TRPM3: variants seen among roughly 807,000 people sequenced by gnomAD.
The protein encoded by TRPM3 is long transient receptor potential channel 3.
TRPM3 carries 77 observed loss-of-function variants against 181.2 expected under a neutral mutation model. The ratio of observed to expected loss-of-function variants is 0.42; its 90% confidence interval spans 0.35 to 0.51. The LOEUF is 0.51. TRPM3 is among the 20% of genes least tolerant of loss of function. The probability of loss-of-function intolerance (pLI) is 0.01; values close to 1 mark genes in which losing one functional copy is unlikely to be tolerated. For synonymous variants in TRPM3, 745 were observed against 796.4 expected (o/e 0.94, Z 1.09); for missense variants, 1,759 against 2,196.7 (o/e 0.80, Z 3.98).
At chr9:70,679,837 G>A (rs1326179874) in intron 9 of TRPM3, among the ~76,000 whole-genome samples, 1 of 152,078 alleles carries the variant, frequency 6.6e-6, no homozygotes, top group African/African-American at 2.4e-5. Flanking sequence ...ATTTGAGAAT[G>A]GCAAATATAG....
chr9:70,814,143 A>T (rs2092444538), intron 6 of TRPM3, among the ~76,000 whole-genome samples: 1 of 152,218 alleles, frequency 6.6e-6, no homozygotes, highest in African/African-American at 2.4e-5. Flanking sequence ...CATCTTAAAA[A>T]GCTGAAGAAG....
chr9:71,219,059 T>C (rs2080076450), intron 1 of TRPM3, among the ~76,000 whole-genome samples: 1 of 152,178 alleles, frequency 6.6e-6, no homozygotes, highest in African/African-American at 2.4e-5. Flanking sequence ...ATGAGAAACA[T>C]ATCAACCGGT....
At chr9:70,932,671 C>A (rs890659171) in intron 1 of TRPM3, among the ~76,000 whole-genome samples, 2 of 152,142 alleles carry the variant, frequency 1.3e-5, no homozygotes, top group East Asian at 3.9e-4. Context: ...TGCACAGATA[C>A]TGTAGCAGGT....
chr9:70,680,013 C>T (rs11142547), intron 9 of TRPM3, among the ~76,000 whole-genome samples: 309 of 152,238 alleles, frequency 2.0e-3, no homozygotes, highest in Non-Finnish European at 3.5e-3. Context: ...CAGCGGTTCT[C>T]AAGCTGGACA....
intron 1 of TRPM3, among the ~76,000 whole-genome samples, chr9:71,051,607 G>T (rs938620699): frequency 1.3e-5 from 2 of 151,942 alleles, no homozygotes; most frequent in Non-Finnish European, 2.9e-5. Context: ...CGGGGTGGGG[G>T]GGTTATATAG....
chr9:71,344,452 A>G (rs1588591240), intron 1 of TRPM3, among the ~76,000 whole-genome samples: 1 of 150,414 alleles, frequency 6.6e-6, no homozygotes, highest in East Asian at 1.9e-4. Flanking sequence ...CTCCATCTCA[A>G]AAAAAAAAAA....
Position 70,752,060 on chromosome 9 carries a change from G to A in TRPM3, c.1272+9541C>T, listed in dbSNP as rs866859457. On this transcript the variant is annotated intron_variant, in intron 8 of 25. Transcript: ENST00000677713. ...TGTGTGTGTGTGTGTGCGCGCGCGCGCGCATACACATGTACATGCAACCTG... is the reference window on the plus strand; with the variant it reads ...TGTGTGTGTGTGTGTGCGCGCGCGCACGCATACACATGTACATGCAACCTG... Among the ~76,000 whole-genome samples the A allele has an allele frequency of 1.1e-3, 155 of 144,640 alleles. 4 individuals are homozygous for A. The highest frequency in any genetic ancestry group is 3.3e-3 in the African/African-American group (127 of 39,006). 94.9% of individuals were successfully genotyped at this position (144,640 alleles called of 152,430 possible). A position where few individuals can be genotyped will look rare whatever the true frequency, so the allele number is the denominator to read the frequency against.
At chr9:71,190,181 T>C (rs1587858383) in intron 1 of TRPM3, among the ~76,000 whole-genome samples, 1 of 151,846 alleles carries the variant, frequency 6.6e-6, no homozygotes, top group African/African-American at 2.4e-5. Flanking sequence ...TCCATGTCAC[T>C]TCACATAGCT....
At chr9:71,403,084 T>C (rs1298628177) in intron 1 of TRPM3, among the ~76,000 whole-genome samples, 1 of 152,184 alleles carries the variant, frequency 6.6e-6, no homozygotes, top group African/African-American at 2.4e-5. Flanking sequence ...TCACCTAGAA[T>C]GGCTCCCAAC....
intron 1 of TRPM3, among the ~76,000 whole-genome samples, chr9:71,141,723 A>C (rs1315125806): frequency 6.6e-6 from 1 of 152,152 alleles, no homozygotes; most frequent in Non-Finnish European, 1.5e-5. Context: ...ACTTAAAATA[A>C]ATTTTTATTA....
rs2040868211 is a variant in TRPM3 at position 70,531,505 on chromosome 9, A to G, written c.*4448T>C. The G allele has an allele frequency of 6.6e-6, 1 of 152,224 alleles. No individual in the cohort carries two copies. Among genetic ancestry groups the G allele is most frequent in the South Asian group, 2.1e-4 (1 of 4,832 alleles). 9.4% of individuals were successfully genotyped at this position (152,224 alleles called of 1,614,324 possible). A position where few individuals can be genotyped will look rare whatever the true frequency, so the allele number is the denominator to read the frequency against. ...ATTTTGTTGACACAAAATTAAGACCAGGTTTGGAGAGAGATTACTTCATTT... is the reference window on the plus strand; with the variant it reads ...ATTTTGTTGACACAAAATTAAGACCGGGTTTGGAGAGAGATTACTTCATTT... On this transcript the variant is annotated 3_prime_UTR_variant, in exon 26 of 26. Coordinates refer to ENST00000677713, the MANE Select transcript of TRPM3 (RefSeq NM_001366145.2).
chr9:70,684,221 G>C (rs558335657), intron 8 of TRPM3, among the ~76,000 whole-genome samples: 123 of 152,340 alleles, frequency 8.1e-4, no homozygotes, highest in Admixed American at 2.0e-3. Flanking sequence ...TTGAGGAAAG[G>C]AAGATGGGTA....
At chr9:71,370,488 T>C (rs1017154336) in intron 1 of TRPM3, among the ~76,000 whole-genome samples, 15 of 150,930 alleles carry the variant, frequency 9.9e-5, no homozygotes, top group Admixed American at 1.3e-4. Flanking sequence ...AAAAAAAAAA[T>C]CAAACCAGCC....
At chr9:70,761,494 G>C (rs140148752) in intron 8 of TRPM3, 107 bp downstream of exon 8, 3 of 1,528,632 alleles carry the variant, frequency 2.0e-6, no homozygotes, top group Non-Finnish European at 2.7e-6. Context: ...AGAGCTGTAA[G>C]CTCGGCCAGA....
chr9:71,021,476 T>C (rs1374620328), intron 1 of TRPM3, among the ~76,000 whole-genome samples: 1 of 152,200 alleles, frequency 6.6e-6, no homozygotes, highest in Non-Finnish European at 1.5e-5. Flanking sequence ...TAACTTGGTA[T>C]TAGGAACCTT....
chr9:70,555,025 G>T (rs770819625), intron 22 of TRPM3, among the ~76,000 whole-genome samples: 1 of 152,236 alleles, frequency 6.6e-6, no homozygotes, highest in Non-Finnish European at 1.5e-5. Flanking sequence ...AACTCTGAGA[G>T]TGCCTGGCCC....
chr9:71,099,801 G>C (rs897564926), intron 1 of TRPM3, among the ~76,000 whole-genome samples: 14 of 152,116 alleles, frequency 9.2e-5, no homozygotes, highest in Non-Finnish European at 2.9e-5. Context: ...CCCTAGAAAG[G>C]AGGTGTCATT....
intron 1 of TRPM3, among the ~76,000 whole-genome samples, chr9:71,434,322 T>C (rs944956886): frequency 6.6e-6 from 1 of 152,136 alleles, no homozygotes; most frequent in Non-Finnish European, 1.5e-5. Flanking sequence ...AGAATGGGAT[T>C]GGTGCCCTTA....
intron 1 of TRPM3, among the ~76,000 whole-genome samples, chr9:71,376,048 T>C (rs1346410075): frequency 6.6e-6 from 1 of 152,082 alleles, no homozygotes; most frequent in Non-Finnish European, 1.5e-5. Context: ...TTTGATAAAA[T>C]TAAATGATGC....
Sources: gnomAD v4.1 joint callset for allele counts (sites outside exome capture counted in the v4.1 genomes callset) on GRCh38, gnomAD v4.1.1 for gene constraint, MANE v1.5 for transcripts, NCBI Gene and HGNC (gene_info 2026-07-23, HGNC 2026-07-21) for gene names.